PRKG1: variants seen among roughly 807,000 people sequenced by gnomAD.
PRKG1 encodes the protein protein kinase cGMP-dependent 1, also known as cGMP-dependent protein kinase 1.
A neutral mutation model predicts 88.1 loss-of-function variants in PRKG1; 35 were observed. The ratio of observed to expected loss-of-function variants is 0.40; its 90% CI spans 0.30 to 0.53. The LOEUF is 0.53. PRKG1 is among the 20% of genes least tolerant of loss of function. The probability of loss-of-function intolerance (pLI) is 0.59; values close to 1 mark genes in which losing one functional copy is unlikely to be tolerated. For missense variants in PRKG1, 540 were observed against 839.8 expected, an observed-to-expected ratio of 0.64 and a Z score of 4.41; for synonymous variants, 303 against 292.5, an observed-to-expected ratio of 1.04 and a Z score of -0.37.
chr10:51,981,453 G>T (rs1303668505), intron 5 of PRKG1, among the ~76,000 whole-genome samples: 2 of 152,018 alleles, frequency 1.3e-5, no homozygotes, highest in African/African-American at 2.4e-5. Context: ...AGGCATAGTG[G>T]CATGTACCTG....
chr10:51,061,629 C>T (rs1453693587), intron 1 of PRKG1, among the ~76,000 whole-genome samples: 2 of 152,140 alleles, frequency 1.3e-5, no homozygotes, highest in Non-Finnish European at 2.9e-5. Flanking sequence ...TCTCCCATAA[C>T]TCCACATCTC....
intron 14 of PRKG1, among the ~76,000 whole-genome samples, chr10:52,288,377 G>C (rs1238976684): frequency 6.6e-6 from 1 of 152,050 alleles, no homozygotes; most frequent in Non-Finnish European, 1.5e-5. Flanking sequence ...CCCTCCTAAT[G>C]ATTTTGGACT....
intron 5 of PRKG1, among the ~76,000 whole-genome samples, chr10:52,009,617 C>T (rs117697956): frequency 0.011 from 1,632 of 152,140 alleles, 19 homozygotes; most frequent in Non-Finnish European, 0.013. Flanking sequence ...TGTACAGATT[C>T]AATGCTATTT....
At chr10:51,609,650 A>G (rs1435026907) in intron 3 of PRKG1, among the ~76,000 whole-genome samples, 1 of 152,224 alleles carries the variant, frequency 6.6e-6, no homozygotes, top group Non-Finnish European at 1.5e-5. Context: ...ATGGATTACT[A>G]TGCAGCCATA....
Position 51,617,715 on chromosome 10 carries a change from CA to C in PRKG1, c.592+149881del, listed in dbSNP as rs1244139972. Among the ~76,000 whole-genome samples, 5 of 152,174 alleles carry C rather than the reference CA, an allele frequency of 3.3e-5. No homozygotes were observed. The East Asian group carries it at 9.6e-4, about 29-fold the overall frequency. ...TGTGCCACTACATTCTATATTTGCA[CA>C]ATGATGAAATCGCCTAATGACACAT... On this transcript the variant is annotated intron_variant, in intron 3 of 17. Coordinates refer to ENST00000373980, the MANE Select transcript of PRKG1 (RefSeq NM_006258.4).
Position 52,234,080 on chromosome 10 carries a change from C to A in PRKG1, c.1077-17490C>A, listed in dbSNP as rs1296213763. On this transcript the variant is annotated intron_variant, in intron 9 of 17. Coordinates refer to ENST00000373980, the MANE Select transcript of PRKG1 (RefSeq NM_006258.4). Reference sequence around the variant, plus strand: ...CTGACACCTCACACAGCAGGGTATTCCAACAGACCTGCAGCTGAGGGTCCT... The same window carrying A: ...CTGACACCTCACACAGCAGGGTATTACAACAGACCTGCAGCTGAGGGTCCT... Among the ~76,000 whole-genome samples the A allele has an allele frequency of 5.9e-5, 9 of 152,084 alleles. No individual in the cohort carries two copies. The East Asian group carries it at 1.6e-3, about 26-fold the overall frequency.
intron 2 of PRKG1, among the ~76,000 whole-genome samples, chr10:51,173,411 A>G (rs973159844): frequency 1.3e-5 from 2 of 149,874 alleles, no homozygotes; most frequent in African/African-American, 4.9e-5. Flanking sequence ...AGAGTTGGGC[A>G]GTGTGTGTGT....
At chr10:51,467,659 A>G in intron 2 of PRKG1, 64 bp from the exon 3 acceptor site, 1 of 1,371,382 alleles carries the variant, frequency 7.3e-7, no homozygotes, top group South Asian at 1.2e-5. Context: ...CTTCACATTA[A>G]AAATGCAACA....
intron 5 of PRKG1, among the ~76,000 whole-genome samples, chr10:51,919,494 G>A (rs1268275617): frequency 5.3e-5 from 8 of 151,420 alleles, no homozygotes; most frequent in African/African-American, 1.9e-4. Context: ...AACATGATTT[G>A]TCTTGTAAAT....
At chr10:52,086,860 CA>C (rs1846928880) in intron 7 of PRKG1, among the ~76,000 whole-genome samples, 2 of 152,140 alleles carry the variant, frequency 1.3e-5, no homozygotes, top group African/African-American at 2.4e-5. Context: ...GGGGAAACCT[CA>C]GGAAACTTAC....
At chr10:51,842,236 T>C (rs1048111137) in intron 4 of PRKG1, among the ~76,000 whole-genome samples, 7 of 152,236 alleles carry the variant, frequency 4.6e-5, no homozygotes, top group Non-Finnish European at 7.3e-5. Context: ...ATCATTATTC[T>C]GGGATCACCA....
rs1373535244 is a variant in PRKG1 at position 51,203,645 on chromosome 10, C to T, written c.478+50315C>T. 5.9e-5 allele frequency among the ~76,000 whole-genome samples: 9 copies of T among 152,302 alleles called. No individual in the cohort carries two copies. In the South Asian group the frequency reaches 1.9e-3, roughly 32 times the overall value. ...AAGACCTGCGCTTGAATCCTGGCTC[C>T]ACCAACAGAGAGTTGCACACATTTG... On this transcript the variant is annotated intron_variant, in intron 2 of 17. Coordinates refer to ENST00000373980, the MANE Select transcript of PRKG1 (RefSeq NM_006258.4).
chr10:51,828,252 G>A (rs754436871), intron 4 of PRKG1, among the ~76,000 whole-genome samples: 10 of 151,922 alleles, frequency 6.6e-5, no homozygotes, highest in Non-Finnish European at 1.3e-4. Flanking sequence ...TTACCTTCAC[G>A]TATTATAGGA....
intron 3 of PRKG1, among the ~76,000 whole-genome samples, chr10:51,500,624 T>C (rs1361310189): frequency 6.6e-6 from 1 of 152,208 alleles, no homozygotes. Context: ...ATCTTTCAAG[T>C]GATCCCCACC....
chr10:51,920,417 A>G (rs1400549495), intron 5 of PRKG1, among the ~76,000 whole-genome samples: 2 of 152,160 alleles, frequency 1.3e-5, no homozygotes, highest in African/African-American at 4.8e-5. Context: ...TCTGATAGCC[A>G]TCTTGCCGAT....
At chr10:52,037,266 G>A (rs1046834506) in intron 5 of PRKG1, among the ~76,000 whole-genome samples, 15 of 152,222 alleles carry the variant, frequency 9.9e-5, no homozygotes, top group Admixed American at 2.0e-4. Flanking sequence ...GAGCCTGGCC[G>A]CTGCGGTTCA....
intron 5 of PRKG1, among the ~76,000 whole-genome samples, chr10:52,031,486 G>A (rs1009769165): frequency 6.6e-5 from 10 of 152,128 alleles, no homozygotes; most frequent in Non-Finnish European, 1.2e-4. Flanking sequence ...ATATATATTT[G>A]AAAGATCTTT....
intron 14 of PRKG1, among the ~76,000 whole-genome samples, chr10:52,283,748 G>C (rs1460989574): frequency 2.0e-5 from 3 of 151,934 alleles, no homozygotes; most frequent in Admixed American, 1.3e-4. Flanking sequence ...AAAGTAGAAG[G>C]TTAAATTTAA....
intron 4 of PRKG1, among the ~76,000 whole-genome samples, chr10:51,857,543 C>G (rs1287875240): frequency 6.6e-6 from 1 of 152,038 alleles, no homozygotes; most frequent in Non-Finnish European, 1.5e-5. Flanking sequence ...ATTCTGAGTC[C>G]CATACTGTGA....
Sources: gnomAD v4.1 joint callset for allele counts (sites outside exome capture counted in the v4.1 genomes callset) on GRCh38, gnomAD v4.1.1 for gene constraint, MANE v1.5 for transcripts, NCBI Gene and HGNC (gene_info 2026-07-23, HGNC 2026-07-21) for gene names.